CNGB3: variants seen among roughly 807,000 people sequenced by gnomAD.
CNGB3 encodes the protein cyclic nucleotide-gated channel beta-3.
Under a neutral mutation model 92.8 loss-of-function variants are expected in CNGB3, and 86 were observed. The observed-to-expected ratio is 0.93, with a 90% CI of 0.78 to 1.11. The LOEUF (loss-of-function observed/expected upper bound fraction) is 1.11. CNGB3 is among the 50% of genes least tolerant of loss of function. CNGB3 has a pLI of 0.00. For synonymous variants in CNGB3, 333 were observed against 332.7 expected (o/e 1.00, Z -0.01); for missense variants, 1,026 against 956.8 (o/e 1.07, Z -0.95).
chr8:86,710,271 A>G (rs548097464), intron 3 of CNGB3, among the ~76,000 whole-genome samples: 22 of 152,314 alleles, frequency 1.4e-4, no homozygotes, highest in African/African-American at 5.3e-4. Context: ...GCTATTTCCC[A>G]TGCCTGAAGT....
chr8:86,593,277 T>C (rs1822087192), intron 15 of CNGB3, among the ~76,000 whole-genome samples: 1 of 152,156 alleles, frequency 6.6e-6, no homozygotes, highest in Non-Finnish European at 1.5e-5. Context: ...AGAAAAAGGA[T>C]AATGTGGACT....
intron 2 of CNGB3, among the ~76,000 whole-genome samples, chr8:86,735,109 G>T (rs1586043496): frequency 1.1e-5 from 1 of 89,338 alleles, no homozygotes. Context: ...CAACGTGATT[G>T]TAGGAAAACT....
intron 3 of CNGB3, among the ~76,000 whole-genome samples, chr8:86,694,198 G>C (rs1199125637): frequency 2.8e-5 from 4 of 143,688 alleles, no homozygotes; most frequent in Admixed American, 2.0e-4. Context: ...CCTCCCTCCC[G>C]GACGGGGCGG....
At chr8:86,629,264 A>T (rs758746573) in intron 11 of CNGB3, among the ~76,000 whole-genome samples, 186 bp from the exon 12 acceptor site, 13 of 152,158 alleles carry the variant, frequency 8.5e-5, no homozygotes, top group Non-Finnish European at 1.8e-4. Context: ...GATTTTAAAC[A>T]TACTGATATT....
chr8:86,668,032 T>G lies in CNGB3; in HGVS notation c.630A>C (p.Ile210=). 2 of 1,614,160 alleles carry G rather than the reference T, an allele frequency of 1.2e-6. No individual in the cohort carries two copies. Among genetic ancestry groups the G allele is most frequent in the Non-Finnish European group, 1.7e-6 (2 of 1,180,020 alleles). Residue 210 remains isoleucine (I), a synonymous_variant, in exon 5 of 18, where the codon ATA becomes ATC. Coordinates refer to ENST00000320005, the MANE Select transcript of CNGB3 (RefSeq NM_019098.5). ...CTTTGATAATACCTGTGTATGAATC[T>G]ATGCTGTTTGGAAGTTTAATTCGCT... ...YLKRIKLPNS[I]DSYTDRLYLL...
At chr8:86,607,910 T>C (rs892631721) in intron 14 of CNGB3, among the ~76,000 whole-genome samples, 1 of 152,196 alleles carries the variant, frequency 6.6e-6, no homozygotes, top group Non-Finnish European at 1.5e-5. Context: ...AAAGCTGACT[T>C]CAGCTGTCTC....
At chr8:86,580,704 G>T (rs1292059825) in intron 15 of CNGB3, among the ~76,000 whole-genome samples, 1 of 152,216 alleles carries the variant, frequency 6.6e-6, no homozygotes, top group Non-Finnish European at 1.5e-5. Context: ...TGAATAAAAA[G>T]TCTGTCGTTA....
intron 3 of CNGB3, among the ~76,000 whole-genome samples, chr8:86,720,666 G>T (rs543814282): frequency 2.0e-5 from 3 of 152,132 alleles, no homozygotes; most frequent in East Asian, 3.9e-4. Context: ...CGGAGGAAAA[G>T]AAGTCATTAT....
chr8:86,601,918 G>A (rs1016858104), intron 15 of CNGB3, among the ~76,000 whole-genome samples: 4 of 152,174 alleles, frequency 2.6e-5, no homozygotes, highest in African/African-American at 9.7e-5. Context: ...TATTTGAGAA[G>A]CTGCTGTCAG....
chr8:86,699,456 G>A lies in CNGB3; in HGVS notation c.338+27075C>T, dbSNP rs148720533. 1.6e-3 allele frequency among the ~76,000 whole-genome samples: 241 copies of A among 152,228 alleles called. 1 individual carries two copies. The highest frequency in any genetic ancestry group is 5.7e-3 in the African/African-American group (237 of 41,542). ...GTTTGAGACCAGCCTGGGCAACATA[G>A]TGAGACCCCATCTGTCTCTCTCTCT... On this transcript the variant is annotated intron_variant, in intron 3 of 17. Coordinates refer to ENST00000320005, the MANE Select transcript of CNGB3 (RefSeq NM_019098.5).
At chr8:86,588,638 A>G (rs1821947428) in intron 15 of CNGB3, among the ~76,000 whole-genome samples, 2 of 149,960 alleles carry the variant, frequency 1.3e-5, no homozygotes, top group Non-Finnish European at 3.0e-5. Context: ...GCTGGATTAC[A>G]TTTATTGATT....
At chr8:86,736,870 T>A (rs1163450078) in intron 2 of CNGB3, among the ~76,000 whole-genome samples, 1 of 152,202 alleles carries the variant, frequency 6.6e-6, no homozygotes, top group African/African-American at 2.4e-5. Context: ...TATTAAGTGT[T>A]TTCCTCTTTC....
At chr8:86,617,185 T>C (rs966273269) in intron 13 of CNGB3, among the ~76,000 whole-genome samples, 1 of 152,326 alleles carries the variant, frequency 6.6e-6, no homozygotes, top group East Asian at 1.9e-4. Context: ...ATTCCACTTT[T>C]AATAATGGCA....
chr8:86,635,869 T>TATAC (rs1554611026), intron 10 of CNGB3, among the ~76,000 whole-genome samples: 30 of 70,820 alleles, frequency 4.2e-4, no homozygotes, highest in South Asian at 8.3e-4. Flanking sequence ...TATATACACA[T>TATAC]ACACATATAC....
chr8:86,702,127 T>C (rs1824569240), intron 3 of CNGB3, among the ~76,000 whole-genome samples: 1 of 152,220 alleles, frequency 6.6e-6, no homozygotes, highest in African/African-American at 2.4e-5. Flanking sequence ...TTATAGCACA[T>C]TGGAAAGTAA....
chr8:86,591,294 C>T (rs1391630001), intron 15 of CNGB3, among the ~76,000 whole-genome samples: 4 of 132,208 alleles, frequency 3.0e-5, no homozygotes, highest in Admixed American at 1.6e-4. Flanking sequence ...AATGTCCTCC[C>T]GTAGCTCAGA....
chr8:86,742,863 A>T (rs1286281223), intron 1 of CNGB3, among the ~76,000 whole-genome samples: 1 of 152,182 alleles, frequency 6.6e-6, no homozygotes, highest in Non-Finnish European at 1.5e-5. Flanking sequence ...GCAGAAAAAT[A>T]TATTTAGAAC....
chr8:86,730,046 C>T (rs142227467), intron 2 of CNGB3, among the ~76,000 whole-genome samples: 85 of 152,304 alleles, frequency 5.6e-4, no homozygotes, highest in African/African-American at 1.8e-3. Flanking sequence ...GACGTGGTTG[C>T]CTTTACTGAA....
In CNGB3 at chr8:86,576,110, T is replaced by G. The variant is rs769689524; in HGVS notation, c.2124A>C (p.Gly708=). Residue 708 remains glycine, a synonymous_variant, in exon 18 of 18, where the codon GGA becomes GGC. Coordinates refer to ENST00000320005, the MANE Select transcript of CNGB3 (RefSeq NM_019098.5). ...QAAQKKENSE[G]GEEEGKENED... is the part of the protein sequence containing the mutation. The stretch of plus-strand genomic sequence containing the variant: ...CATTTTCTTTTCCTTCTTCCTCTCC[T>G]CCTTCAGAATTTTCTTTCTTCTGGA... 1 of 1,604,462 alleles carries G rather than the reference T, an allele frequency of 6.2e-7. No homozygotes were observed. The highest frequency in any genetic ancestry group is 8.5e-7 in the Non-Finnish European group (1 of 1,178,316).
Sources: allele counts gnomAD v4.1 joint callset (sites outside exome capture counted in the v4.1 genomes callset), GRCh38; gene constraint gnomAD v4.1.1; transcripts MANE v1.5; gene names NCBI Gene and HGNC (gene_info 2026-07-23, HGNC 2026-07-21).